GPR137B: variants seen among roughly 807,000 people sequenced by gnomAD.
GPR137B encodes the protein G protein-coupled receptor 137B.
A neutral mutation model predicts 42.5 loss-of-function variants in GPR137B; 42 were observed. That is an observed-to-expected ratio of 0.99 (90% CI 0.77 to 1.28). GPR137B has a LOEUF of 1.28. GPR137B is among the 50% of genes most tolerant of loss of function. The probability of loss-of-function intolerance (pLI) is 0.00; values close to 1 mark genes in which losing one functional copy is unlikely to be tolerated. For missense variants in GPR137B, 487 were observed against 493.9 expected (o/e 0.99, Z 0.13); for synonymous variants, 218 against 209.7 (o/e 1.04, Z -0.34).
At chr1:236,186,349 A>AT (rs1267416323) in intron 5 of GPR137B, among the ~76,000 whole-genome samples, 31 of 63,060 alleles carry the variant, frequency 4.9e-4, no homozygotes, top group Non-Finnish European at 3.5e-4. Context: ...ATATTATATA[A>AT]TATATATTAT....
At chr1:236,144,086 C>CTTT (rs56006687) in intron 1 of GPR137B, among the ~76,000 whole-genome samples, 2 of 145,176 alleles carry the variant, frequency 1.4e-5, no homozygotes, top group African/African-American at 5.0e-5. Flanking sequence ...TTTTAAGTGT[C>CTTT]TTTTTTTTTT....
intron 2 of GPR137B, among the ~76,000 whole-genome samples, chr1:236,170,595 A>G (rs1289055276): frequency 6.6e-6 from 1 of 152,208 alleles, no homozygotes; most frequent in African/African-American, 2.4e-5. Context: ...AAGGAGAGCA[A>G]TTTAAAGTAC....
At chr1:236,161,602 A>G (rs1662199938) in intron 1 of GPR137B, among the ~76,000 whole-genome samples, 1 of 152,150 alleles carries the variant, frequency 6.6e-6, no homozygotes, top group Non-Finnish European at 1.5e-5. Flanking sequence ...CTTGAATTGT[A>G]TCTCCCAGAA....
chr1:236,186,260 T>TA lies in GPR137B; in HGVS notation c.966+2355dup, dbSNP rs1453798584. Among the ~76,000 whole-genome samples the TA allele has an allele frequency of 2.3e-3, 45 of 19,696 alleles. 8 individuals carry two copies. Among genetic ancestry groups the TA allele is most frequent in the African/African-American group, 5.5e-3 (39 of 7,138 alleles). 12.9% of individuals were successfully genotyped at this position (19,696 alleles called of 152,430 possible). A position where few individuals can be genotyped will look rare whatever the true frequency, so the allele number is the denominator to read the frequency against. On this transcript the variant is annotated intron_variant, in intron 5 of 6. Coordinates refer to ENST00000366592, the MANE Select transcript of GPR137B (RefSeq NM_003272.4). Reference sequence around the variant, plus strand: ...AATAATATAAATAATATATAATATATATTATATATTATATATAATAATATA... The same window carrying TA: ...AATAATATAAATAATATATAATATATAATTATATATTATATATAATAATATA...
intron 6 of GPR137B, 115 bp from the exon 7 acceptor site, chr1:236,207,935 A>AT: frequency 1.4e-6 from 1 of 705,318 alleles, no homozygotes; most frequent in Non-Finnish European, 2.3e-6. Flanking sequence ...ATTTAAAAGA[A>AT]CTTTAGAGTT....
intron 5 of GPR137B, among the ~76,000 whole-genome samples, chr1:236,203,116 C>T (rs939624923): frequency 2.6e-5 from 4 of 152,016 alleles, no homozygotes; most frequent in South Asian, 2.1e-4. Context: ...CTTGCTCTGT[C>T]GCCCAGGCTG....
rs1333854513 is a variant in GPR137B, at chr1:236,155,780, G to T, written c.414+12744G>T. ...GGGAACAGGAAGGAGAAGAGGAGCTGTTGGGAAGGGGGACAGTGAGTGGAG... is the reference window on the plus strand; with the variant it reads ...GGGAACAGGAAGGAGAAGAGGAGCTTTTGGGAAGGGGGACAGTGAGTGGAG... On this transcript the variant is annotated intron_variant, in intron 1 of 6. Transcript: ENST00000366592. The surrounding 1 kb of genome is among the most constrained non-coding windows in gnomAD (Gnocchi z 4.6). Among the ~76,000 whole-genome samples the T allele has an allele frequency of 6.6e-6, 1 of 152,166 alleles. No homozygotes were observed. Among genetic ancestry groups the T allele is most frequent in the East Asian group, 1.9e-4 (1 of 5,186 alleles).
chr1:236,161,639 C>A (rs1345404196), intron 1 of GPR137B, among the ~76,000 whole-genome samples: 1 of 152,156 alleles, frequency 6.6e-6, no homozygotes, highest in Non-Finnish European at 1.5e-5. Flanking sequence ...GAGGGACCCA[C>A]AGGGAGGTAA....
rs1289442745 is a variant in GPR137B at position 236,156,194 on chromosome 1, CA to C, written c.415-12510del. On this transcript the variant is annotated intron_variant, in intron 1 of 6. Transcript: ENST00000366592. This position sits in a 1 kb window ranked among gnomAD's most constrained non-coding sequence, Gnocchi z 4.8. Reference sequence around the variant, plus strand: ...ACTGAAGTCTGGGGGGCCCACATTCCAAGGGCCAGCACGAGGCCAGGAGCAG... The same window carrying C: ...ACTGAAGTCTGGGGGGCCCACATTCCAGGGCCAGCACGAGGCCAGGAGCAG... 6.6e-6 allele frequency among the ~76,000 whole-genome samples: 1 copy of C among 152,170 alleles called. No individual in the cohort carries two copies. The highest frequency in any genetic ancestry group is 1.5e-5 in the Non-Finnish European group (1 of 68,028).
chr1:236,195,543 A>G (rs1434844183), intron 5 of GPR137B, among the ~76,000 whole-genome samples: 1 of 152,150 alleles, frequency 6.6e-6, no homozygotes, highest in African/African-American at 2.4e-5. Context: ...AAGCTTAGCT[A>G]TTGTGAACAG....
chr1:236,168,283 T>C lies in GPR137B; in HGVS notation c.415-423T>C, dbSNP rs140634459. On this transcript the variant is annotated intron_variant, in intron 1 of 6. Coordinates refer to ENST00000366592, the MANE Select transcript of GPR137B (RefSeq NM_003272.4). ...CTCTACTAAAAATACAAAAATTAACTGGGTGTGGTGACACCTGTAATCCCA... is the reference window on the plus strand; with the variant it reads ...CTCTACTAAAAATACAAAAATTAACCGGGTGTGGTGACACCTGTAATCCCA... 9.9e-3 allele frequency among the ~76,000 whole-genome samples: 1,503 copies of C among 152,128 alleles called. 31 individuals carry two copies. The highest frequency in any genetic ancestry group is 0.034 in the African/African-American group (1,429 of 41,514).
At chr1:236,173,761 C>A (rs375380990) in intron 2 of GPR137B, among the ~76,000 whole-genome samples, 2 of 151,740 alleles carry the variant, frequency 1.3e-5, no homozygotes, top group African/African-American at 4.8e-5. Flanking sequence ...GTACAAAATT[C>A]TTTCTGTGGA....
chr1:236,169,049 G>C (rs1034167290), intron 2 of GPR137B, among the ~76,000 whole-genome samples: 3 of 152,218 alleles, frequency 2.0e-5, no homozygotes, highest in Non-Finnish European at 4.4e-5. Context: ...ATAGGTGTAT[G>C]TTGCCTCTAA....
intron 1 of GPR137B, among the ~76,000 whole-genome samples, chr1:236,158,937 A>G (rs1469067433): frequency 6.6e-6 from 1 of 152,208 alleles, no homozygotes; most frequent in Non-Finnish European, 1.5e-5. Flanking sequence ...CTCCAGGGAC[A>G]TCAGAGGTGA....
rs1258896087 is a variant in GPR137B at position 236,207,046 on chromosome 1, T to C, written c.1092-1004T>C. 5.3e-6 allele frequency: 3 copies of C among 565,098 alleles called. No homozygotes were observed. The East Asian group carries it at 4.2e-4, about 80-fold the overall frequency. 35.0% of individuals were successfully genotyped at this position (565,098 alleles called of 1,614,324 possible). A position where few individuals can be genotyped will look rare whatever the true frequency, so the allele number is the denominator to read the frequency against. On this transcript the variant is annotated intron_variant, in intron 6 of 6. Transcript: ENST00000366592. ...CTCTGGGATGAAATGATAAAAAATA[T>C]ATGCTTGCCTTTTTACTCCTTGTTA...
In GPR137B at chr1:236,207,280, C is replaced by T. The variant is rs145196929; in HGVS notation, c.1092-770C>T. 26 of 985,294 alleles carry T rather than the reference C, an allele frequency of 2.6e-5. 1 individual carries two copies. Among genetic ancestry groups the T allele is most frequent in the Middle Eastern group, 5.2e-4 (1 of 1,914 alleles). The allele number at this position is 985,294 out of a possible 1,614,324, so 61.0% of individuals were successfully genotyped here. On this transcript the variant is annotated intron_variant, in intron 6 of 6. Coordinates refer to ENST00000366592, the MANE Select transcript of GPR137B (RefSeq NM_003272.4). ...GCGCTGAGCCAGCAGATGTAAAGAA[C>T]GTAAGCTGGAAGCAAGCCAACAAAC... is the stretch of plus-strand genomic sequence containing the variant.
chr1:236,161,731 G>A (rs1351266388), intron 1 of GPR137B, among the ~76,000 whole-genome samples: 1 of 152,116 alleles, frequency 6.6e-6, no homozygotes, highest in African/African-American at 2.4e-5. Context: ...TTTATCAGGG[G>A]TTTCTGCTTT....
At chr1:236,182,107 G>A (rs1229520455) in intron 4 of GPR137B, among the ~76,000 whole-genome samples, 1 of 151,844 alleles carries the variant, frequency 6.6e-6, no homozygotes, top group Non-Finnish European at 1.5e-5. Flanking sequence ...AGGCCAGGCT[G>A]GTCTTGAACT....
chr1:236,199,994 C>T (rs1040511607), intron 5 of GPR137B, among the ~76,000 whole-genome samples: 5 of 151,944 alleles, frequency 3.3e-5, no homozygotes, highest in Non-Finnish European at 7.4e-5. Context: ...GAATTTAATG[C>T]TGTCAACTTT....
Sources: allele counts gnomAD v4.1 joint callset (sites outside exome capture counted in the v4.1 genomes callset), GRCh38; gene constraint gnomAD v4.1.1; non-coding constraint Gnocchi (gnomAD v3.1); transcripts MANE v1.5; gene names NCBI Gene and HGNC (gene_info 2026-07-23, HGNC 2026-07-21).